VMAC: variants seen among roughly 807,000 people sequenced by gnomAD.
VMAC encodes the protein vimentin-type intermediate filament-associated coiled-coil protein.
In VMAC, 8 loss-of-function variants were observed where a neutral mutation model predicts 4.8. The observed-to-expected ratio is 1.68, with a 90% CI of 0.99 to 3.03. VMAC has a LOEUF of 3.03. Among genes scored for constraint, VMAC ranks in the 30% most tolerant of loss-of-function variants. The pLI, the probability that VMAC is intolerant of heterozygous loss-of-function variation, is 0.00. For missense variants in VMAC, 248 were observed against 245.1 expected (o/e 1.01, Z -0.08); for synonymous variants, 96 against 113.7 (o/e 0.84, Z 0.99).
At position 5,908,875 on chromosome 19, in the gene VMAC, C is replaced by T; in HGVS notation, c.243C>T (p.His81=). 1 of 1,614,036 alleles carries T rather than the reference C, an allele frequency of 6.2e-7. No homozygotes were observed. The highest frequency in any genetic ancestry group is 8.5e-7 in the Non-Finnish European group (1 of 1,179,994). The stretch of plus-strand genomic sequence containing the variant: ...TGATGACCTCAGAAGCCACTGTCCA[C>T]AGCCTGCAGGCCACCGTGCACCAGA... ...EQLMTSEATV[H]SLQATVHQRD... The change falls in exon 2 of 2, where the codon CAC becomes CAT. Residue 81 remains histidine (H), a synonymous_variant. Coordinates refer to ENST00000339485, the MANE Select transcript of VMAC (RefSeq NM_001017921.4). The surrounding 1 kb of genome is among the most constrained non-coding windows in gnomAD (Gnocchi z 4.5).
In VMAC at chr19:5,909,951, G is replaced by A. The variant is rs2057692136; in HGVS notation, c.*809G>A. On this transcript the variant is annotated 3_prime_UTR_variant, in exon 2 of 2. Transcript: ENST00000339485. ...AGGAGAAAACTCCTGTGCCTTTCTG[G>A]GCCAGCCTGTCACCCTGGCCTGGTC... is the stretch of plus-strand genomic sequence containing the variant. The A allele has an allele frequency of 5.9e-5, 9 of 152,086 alleles. No homozygotes were observed. The highest frequency in any genetic ancestry group is 5.9e-4 in the Admixed American group (9 of 15,250). The allele number at this position is 152,086 out of a possible 1,614,324, so 9.4% of individuals were successfully genotyped here. A position where few individuals can be genotyped will look rare whatever the true frequency, so the allele number is the denominator to read the frequency against.
chr19:5,908,599 G>A lies in VMAC; in HGVS notation c.192-225G>A, dbSNP rs575053734. Among the ~76,000 whole-genome samples the A allele has an allele frequency of 6.7e-6, 1 of 150,274 alleles. No homozygotes were observed. Among genetic ancestry groups the A allele is most frequent in the East Asian group, 2.0e-4 (1 of 5,070 alleles). Reference sequence around the variant, plus strand: ...CCATTGCACTCCAGCCTGGGCGACAGAGCTAGACTTCGTCTCAAAAAAAAA... The same window carrying A: ...CCATTGCACTCCAGCCTGGGCGACAAAGCTAGACTTCGTCTCAAAAAAAAA... On this transcript the variant is annotated intron_variant, in intron 1 of 1. Coordinates refer to ENST00000339485, the MANE Select transcript of VMAC (RefSeq NM_001017921.4). This position sits in a 1 kb window ranked among gnomAD's most constrained non-coding sequence, Gnocchi z 4.5.
Position 5,910,026 on chromosome 19 carries a change from G to C in VMAC, c.*884G>C, listed in dbSNP as rs1044389049. 1 of 152,072 alleles carries C rather than the reference G, an allele frequency of 6.6e-6. No individual in the cohort carries two copies. The highest frequency in any genetic ancestry group is 2.4e-5 in the African/African-American group (1 of 41,392). The allele number at this position is 152,072 out of a possible 1,614,324, so 9.4% of individuals were successfully genotyped here. On this transcript the variant is annotated 3_prime_UTR_variant, in exon 2 of 2. Transcript: ENST00000339485. ...CTCAGGAACTGTCACACCAGGAACC[G>C]GCGAGGGGCACAGCCTGTTTCAGAC...
Position 5,904,917 on chromosome 19 carries a change from C to G in VMAC, c.27C>G (p.Ile9Met). The change falls in exon 1 of 2, where the codon ATC becomes ATG. Residue 9 changes from isoleucine to methionine, a missense_variant. Ile to Met is a conservative substitution (Grantham distance 10, BLOSUM62 1). Coordinates refer to ENST00000339485, the MANE Select transcript of VMAC (RefSeq NM_001017921.4). MSAPPALQ[I>M]REANAHLAAV... is the part of the protein sequence containing the mutation. ...TGTCGGCGCCGCCGGCCCTGCAGATCCGGGAGGCAAACGCACACCTGGCAG... is the reference window on the plus strand; with the variant it reads ...TGTCGGCGCCGCCGGCCCTGCAGATGCGGGAGGCAAACGCACACCTGGCAG... 6.7e-7 allele frequency: 1 copy of G among 1,490,256 alleles called. No homozygotes were observed. The allele number at this position is 1,490,256 out of a possible 1,614,324, so 92.3% of individuals were successfully genotyped here. A position where few individuals can be genotyped will look rare whatever the true frequency, so the allele number is the denominator to read the frequency against.
chr19:5,905,551 C>T (rs2057675571), intron 1 of VMAC, among the ~76,000 whole-genome samples: 1 of 152,192 alleles, frequency 6.6e-6, no homozygotes, highest in South Asian at 2.1e-4. Context: ...TCCCGTGTAG[C>T]TGGGATTACA....
rs1210965292 is a variant in VMAC at position 5,910,020 on chromosome 19, G to T, written c.*878G>T. ...TCCTCACTCAGGAACTGTCACACCA[G>T]GAACCGGCGAGGGGCACAGCCTGTT... On this transcript the variant is annotated 3_prime_UTR_variant, in exon 2 of 2. Transcript: ENST00000339485. 6.6e-6 allele frequency: 1 copy of T among 152,034 alleles called. No homozygotes were observed. Among genetic ancestry groups the T allele is most frequent in the Non-Finnish European group, 1.5e-5 (1 of 68,022 alleles). The allele number at this position is 152,034 out of a possible 1,614,324, so 9.4% of individuals were successfully genotyped here. A position where few individuals can be genotyped will look rare whatever the true frequency, so the allele number is the denominator to read the frequency against.
intron 1 of VMAC, among the ~76,000 whole-genome samples, chr19:5,905,315 C>G (rs1341520425): frequency 6.6e-6 from 1 of 152,274 alleles, no homozygotes; most frequent in Non-Finnish European, 1.5e-5. Flanking sequence ...CCCACAGGTG[C>G]TGAGCGACGC....
chr19:5,906,375 C>T (rs566337645), intron 1 of VMAC, among the ~76,000 whole-genome samples: 207 of 152,340 alleles, frequency 1.4e-3, no homozygotes, highest in Non-Finnish European at 2.2e-3. Flanking sequence ...ACTATTACTT[C>T]AGAGCTAATT....
In VMAC at chr19:5,905,046, C is replaced by T. The variant is rs1315644215; in HGVS notation, c.156C>T (p.Arg52=). The change falls in exon 1 of 2, where the codon CGC becomes CGT. Residue 52 remains arginine, a synonymous_variant. Coordinates refer to ENST00000339485, the MANE Select transcript of VMAC (RefSeq NM_001017921.4). ...TGGCCCTCCACGACCAGCAGCTGCGCGCCGCCCTAGACGAACTGGGTCGCG... is the reference window on the plus strand; with the variant it reads ...TGGCCCTCCACGACCAGCAGCTGCGTGCCGCCCTAGACGAACTGGGTCGCG... ...ERLALHDQQL[R]AALDELGRAK... The T allele has an allele frequency of 2.2e-6, 3 of 1,379,112 alleles. No individual in the cohort carries two copies. Among genetic ancestry groups the T allele is most frequent in the Non-Finnish European group, 2.8e-6 (3 of 1,075,644 alleles). The allele number at this position is 1,379,112 out of a possible 1,614,324, so 85.4% of individuals were successfully genotyped here. A position where few individuals can be genotyped will look rare whatever the true frequency, so the allele number is the denominator to read the frequency against.
rs2057687609 is a variant in VMAC, at chr19:5,908,725, T to C, written c.192-99T>C. 3.1e-6 allele frequency: 4 copies of C among 1,271,730 alleles called. No individual in the cohort carries two copies. The highest frequency in any genetic ancestry group is 4.5e-6 in the Non-Finnish European group (4 of 895,474). The allele number at this position is 1,271,730 out of a possible 1,614,324, so 78.8% of individuals were successfully genotyped here. A position where few individuals can be genotyped will look rare whatever the true frequency, so the allele number is the denominator to read the frequency against. On this transcript the variant is annotated intron_variant, in intron 1 of 1. Transcript: ENST00000339485. The surrounding 1 kb of genome is among the most constrained non-coding windows in gnomAD (Gnocchi z 4.5). The stretch of plus-strand genomic sequence containing the variant: ...GCAGTGGTGAGGAATGCGGGCTTTA[T>C]CCCAAAGGTGATGGGGAACCTCTTG...
At chr19:5,906,393 T>C (rs914425686) in intron 1 of VMAC, among the ~76,000 whole-genome samples, 3 of 152,222 alleles carry the variant, frequency 2.0e-5, no homozygotes, top group African/African-American at 7.2e-5. Context: ...ATTGGACATA[T>C]TCATTTTTAC....
In VMAC at chr19:5,909,071, C is replaced by T. The variant is rs1261450455; in HGVS notation, c.439C>T (p.Leu147Phe). 1.3e-6 allele frequency: 2 copies of T among 1,560,966 alleles called. No individual in the cohort carries two copies. Among genetic ancestry groups the T allele is most frequent in the South Asian group, 1.2e-5 (1 of 86,390 alleles). ...ACCCCCCGGTGGGCCTGGTCCACCC[C>T]TTGACAACAGCACTGGGGAAGAGGC... ...HPPPGGPGPP[L>F]DNSTGEEADR... The change falls in exon 2 of 2, where the codon CTT (leucine) becomes TTT (phenylalanine). Residue 147 changes from leucine (L) to phenylalanine (F), a missense_variant. Physicochemically the swap from Leu to Phe is conservative, Grantham distance 22. Coordinates refer to ENST00000339485, the MANE Select transcript of VMAC (RefSeq NM_001017921.4).
At position 5,909,752 on chromosome 19, in the gene VMAC, A is replaced by G. The variant is rs1411198804; in HGVS notation, c.*610A>G. On this transcript the variant is annotated 3_prime_UTR_variant, in exon 2 of 2. Coordinates refer to ENST00000339485, the MANE Select transcript of VMAC (RefSeq NM_001017921.4). Reference sequence around the variant, plus strand: ...TGATCCACCCGCCTCGGCCTTCGAAAGTGCTGCAGTTATAGGTGTAAGCCA... The same window carrying G: ...TGATCCACCCGCCTCGGCCTTCGAAGGTGCTGCAGTTATAGGTGTAAGCCA... 1 of 152,508 alleles carries G rather than the reference A, an allele frequency of 6.6e-6. No homozygotes were observed. The highest frequency in any genetic ancestry group is 6.5e-5 in the Admixed American group (1 of 15,280). 9.4% of individuals were successfully genotyped at this position (152,508 alleles called of 1,614,324 possible).
rs1007358421 is a variant in VMAC at position 5,909,177 on chromosome 19, G to C, written c.*35G>C. The C allele has an allele frequency of 6.6e-7, 1 of 1,522,148 alleles. No homozygotes were observed. The highest frequency in any genetic ancestry group is 8.8e-7 in the Non-Finnish European group (1 of 1,142,246). 94.3% of individuals were successfully genotyped at this position (1,522,148 alleles called of 1,614,324 possible). On this transcript the variant is annotated 3_prime_UTR_variant, in exon 2 of 2. Coordinates refer to ENST00000339485, the MANE Select transcript of VMAC (RefSeq NM_001017921.4). ...GCAGATTACAGAATGGAGACAGAAA[G>C]CCACTGCTGTCAGTGTCCTTGGGAG...
rs752057441 is a variant in VMAC, at chr19:5,908,954, TGCC to T, written c.330_332del (p.Arg111del). 2 of 1,613,214 alleles carry T rather than the reference TGCC, an allele frequency of 1.2e-6. No individual in the cohort carries two copies. Among genetic ancestry groups the T allele is most frequent in the African/African-American group, 2.7e-5 (2 of 75,038 alleles). ...CCGGGCTGAGCTGCTGCAGGACATC[TGCC>T]GCCGCCGGCCACCCCTGGCTGGGCT... On this transcript the variant is annotated inframe_deletion, in exon 2 of 2. Coordinates refer to ENST00000339485, the MANE Select transcript of VMAC (RefSeq NM_001017921.4). The surrounding 1 kb of genome is among the most constrained non-coding windows in gnomAD (Gnocchi z 4.5).
intron 1 of VMAC, among the ~76,000 whole-genome samples, chr19:5,907,635 A>AAAAAAAAAAAAAAAC: frequency 7.0e-6 from 1 of 142,974 alleles, no homozygotes; most frequent in Non-Finnish European, 1.5e-5. Flanking sequence ...AAAAAAAAAA[A>AAAAAAAAAAAAAAAC]ATTAGCTGGG....
intron 1 of VMAC, among the ~76,000 whole-genome samples, chr19:5,905,366 G>A (rs1264976189): frequency 6.6e-6 from 1 of 152,224 alleles, no homozygotes; most frequent in African/African-American, 2.4e-5. Context: ...GGGAGCCATA[G>A]CAGGCTCTTC....
chr19:5,905,795 G>A (rs1052110724), intron 1 of VMAC, among the ~76,000 whole-genome samples: 2 of 151,584 alleles, frequency 1.3e-5, no homozygotes, highest in East Asian at 3.9e-4. Flanking sequence ...CCGGAGCTCA[G>A]GTGATTCTCC....
In VMAC at chr19:5,906,602, T is replaced by C. The variant is rs78328806; in HGVS notation, c.191+1521T>C. ...CCAGCGGCCATGATGGAGGGGCATATGGGGCTCTGAGGGATCTCAGAGTGA... is the reference window on the plus strand; with the variant it reads ...CCAGCGGCCATGATGGAGGGGCATACGGGGCTCTGAGGGATCTCAGAGTGA... On this transcript the variant is annotated intron_variant, in intron 1 of 1. Coordinates refer to ENST00000339485, the MANE Select transcript of VMAC (RefSeq NM_001017921.4). Among the ~76,000 whole-genome samples the C allele has an allele frequency of 5.9e-3, 900 of 152,194 alleles. 12 individuals carry two copies. The highest frequency in any genetic ancestry group is 0.021 in the African/African-American group (860 of 41,534).
Sources: allele counts gnomAD v4.1 joint callset (sites outside exome capture counted in the v4.1 genomes callset), GRCh38; gene constraint gnomAD v4.1.1; non-coding constraint Gnocchi (gnomAD v3.1); transcripts MANE v1.5; gene names NCBI Gene and HGNC (gene_info 2026-07-23, HGNC 2026-07-21).